The following ZC3H11A variants were observed in gnomAD, a reference collection of about 807,000 sequenced individuals.
ZC3H11A encodes the protein zinc finger CCCH-type containing 11A.
ZC3H11A carries 22 observed loss-of-function variants against 90.8 expected under a neutral mutation model. The observed-to-expected ratio is 0.24, with a 90% CI of 0.17 to 0.35. ZC3H11A has a LOEUF of 0.35. Among genes scored for constraint, ZC3H11A ranks in the 10% least tolerant of loss-of-function variants. The pLI is 1.00. For synonymous variants in ZC3H11A, 294 were observed against 339.8 expected (o/e 0.87, Z 1.48); for missense variants, 701 against 964.9 (o/e 0.73, Z 3.62).
intron 4 of ZC3H11A, among the ~76,000 whole-genome samples, chr1:203,824,630 C>A (rs1314532349): frequency 1.3e-5 from 2 of 148,530 alleles, no homozygotes; most frequent in Non-Finnish European, 3.0e-5. Flanking sequence ...GCTCTGCCTC[C>A]TTCTGATACT....
chr1:203,839,884 A>T (rs1685540976), intron 11 of ZC3H11A, among the ~76,000 whole-genome samples: 2 of 151,624 alleles, frequency 1.3e-5, no homozygotes, highest in Admixed American at 1.3e-4. Context: ...GCTCACCCCA[A>T]CCTCCACCTC....
intron 12 of ZC3H11A, among the ~76,000 whole-genome samples, chr1:203,844,252 C>G (rs1258887115): frequency 6.6e-6 from 1 of 152,160 alleles, no homozygotes; most frequent in Non-Finnish European, 1.5e-5. Context: ...ACCTCTGCCT[C>G]CCAGGTTAAA....
At chr1:203,850,746 C>G (rs1689062016) in intron 16 of ZC3H11A, 65 bp downstream of exon 16, 2 of 1,557,552 alleles carry the variant, frequency 1.3e-6, no homozygotes, top group Non-Finnish European at 8.7e-7. Flanking sequence ...AAGACTAACT[C>G]TCCACTAGCA....
intron 2 of ZC3H11A, chr1:203,814,756 C>T (rs946994187): frequency 6.6e-5 from 10 of 152,176 alleles, no homozygotes; most frequent in Non-Finnish European, 1.3e-4. Context: ...TTTTTTACAG[C>T]AGCATTCACT....
rs571447613 is a variant in ZC3H11A at position 203,797,587 on chromosome 1, T to C, written c.-1588+1793T>C. On this transcript the variant is annotated intron_variant, in intron 1 of 17. Transcript: ENST00000367210. ...TCTCCTGGCAGAAGATGCAACACTTTTAGTGATTCTGGGATTCTGGGATGT... is the reference window on the plus strand; with the variant it reads ...TCTCCTGGCAGAAGATGCAACACTTCTAGTGATTCTGGGATTCTGGGATGT... 2.2e-5 allele frequency: 34 copies of C among 1,534,214 alleles called. No individual in the cohort carries two copies. In the East Asian group the frequency reaches 2.7e-4, roughly 12 times the overall value.
Position 203,845,296 on chromosome 1 carries a change from TC to T in ZC3H11A, c.1043-1887del, listed in dbSNP as rs550790018. 1.8e-3 allele frequency among the ~76,000 whole-genome samples: 275 copies of T among 152,336 alleles called. 2 individuals are homozygous for T. Among genetic ancestry groups the T allele is most frequent in the African/African-American group, 6.2e-3 (258 of 41,572 alleles). ...TTTGGTAGGGGAGGGAAACAGGGCCTCTATGTCACCATTCATGTTGTACTTT... is the reference window on the plus strand; with the variant it reads ...TTTGGTAGGGGAGGGAAACAGGGCCTTATGTCACCATTCATGTTGTACTTT... On this transcript the variant is annotated intron_variant, in intron 12 of 17. Coordinates refer to ENST00000367210, the MANE Select transcript of ZC3H11A (RefSeq NM_001376342.1).
At chr1:203,839,050 T>A (rs1448183309) in intron 11 of ZC3H11A, among the ~76,000 whole-genome samples, 1 of 151,570 alleles carries the variant, frequency 6.6e-6, no homozygotes, top group Admixed American at 6.6e-5. Context: ...GCCTGCAATA[T>A]GGAGACAGAT....
At chr1:203,848,203 A>G (rs912542066) in intron 13 of ZC3H11A, 128 bp from the exon 14 acceptor site, 5 of 790,792 alleles carry the variant, frequency 6.3e-6, no homozygotes, top group Non-Finnish European at 1.0e-5. Context: ...AGGAGCACAG[A>G]TGGGCTTTAT....
Position 203,851,047 on chromosome 1 carries a change from C to T in ZC3H11A, c.2107-10C>T. The T allele has an allele frequency of 6.2e-7, 1 of 1,613,806 alleles. No homozygotes were observed. Among genetic ancestry groups the T allele is most frequent in the Non-Finnish European group, 8.5e-7 (1 of 1,179,944 alleles). ...ACTCTCACTGAATTACCTGACTCTTCCTTTTGTAGGCTGTTGTCCCGCTTG... is the reference window on the plus strand; with the variant it reads ...ACTCTCACTGAATTACCTGACTCTTTCTTTTGTAGGCTGTTGTCCCGCTTG... On this transcript the variant is annotated splice_polypyrimidine_tract_variant and intron_variant, in intron 16 of 17. Transcript: ENST00000367210.
intron 10 of ZC3H11A, among the ~76,000 whole-genome samples, chr1:203,836,843 G>A (rs1220627381): frequency 1.3e-5 from 2 of 152,104 alleles, no homozygotes; most frequent in Admixed American, 1.3e-4. Flanking sequence ...TGATGACTTG[G>A]GTAAGATACA....
chr1:203,806,097 C>A, intron 2 of ZC3H11A: 1 of 498,690 alleles, frequency 2.0e-6, no homozygotes, highest in South Asian at 1.6e-5. Flanking sequence ...TAATCATATT[C>A]TTTGTAGGAC....
chr1:203,847,339 A>C lies in ZC3H11A; in HGVS notation c.1198A>C (p.Thr400Pro). ...DSTSGARSSS[T>P]IRIKTFSEVL... ...TACTTCAGGAGCAAGAAGCTCCTCC[A>C]CTATCCGTATCAAAACCTTCTCTGA... is the stretch of plus-strand genomic sequence containing the variant. The change falls in exon 13 of 18, where the codon ACT becomes CCT. Residue 400 changes from threonine to proline, a missense_variant. By Grantham distance (38) the Thr-to-Pro change is conservative. Around this residue, in one of 4 missense-constraint regions of ZC3H11A, gnomAD observed 530 missense variants for 696.2 expected, o/e 0.76. Transcript: ENST00000367210. 1 of 1,613,986 alleles carries C rather than the reference A, an allele frequency of 6.2e-7. No homozygotes were observed. Among genetic ancestry groups the C allele is most frequent in the Non-Finnish European group, 8.5e-7 (1 of 1,179,866 alleles).
chr1:203,834,901 C>T (rs1167334281), intron 10 of ZC3H11A, among the ~76,000 whole-genome samples: 2 of 152,252 alleles, frequency 1.3e-5, no homozygotes, highest in Non-Finnish European at 2.9e-5. Context: ...GCCTCTGCCT[C>T]CCAAAGTGCT....
chr1:203,846,896 TG>T (rs936230794), intron 12 of ZC3H11A, among the ~76,000 whole-genome samples: 9 of 151,922 alleles, frequency 5.9e-5, no homozygotes, highest in African/African-American at 2.2e-4. Context: ...CCCAGCTACT[TG>T]GGAGGCTGAG....
intron 12 of ZC3H11A, among the ~76,000 whole-genome samples, chr1:203,840,745 T>C (rs941380991): frequency 1.3e-5 from 2 of 152,030 alleles, no homozygotes; most frequent in African/African-American, 4.8e-5. Context: ...GCAATTCCCC[T>C]GCCTCAGCCT....
rs578020092 is a variant in ZC3H11A at position 203,842,597 on chromosome 1, C to T, written c.1042+2223C>T. The stretch of plus-strand genomic sequence containing the variant: ...AACTTTGGTGGCATCAGAGGGAGAC[C>T]GGGGAGAGGGGGAGGGGGAGGGGGA... On this transcript the variant is annotated intron_variant, in intron 12 of 17. Transcript: ENST00000367210. Among the ~76,000 whole-genome samples, 801 of 100,712 alleles carry T rather than the reference C, an allele frequency of 8.0e-3. 3 individuals carry two copies. Among genetic ancestry groups the T allele is most frequent in the African/African-American group, 0.026 (680 of 25,888 alleles). 66.1% of individuals were successfully genotyped at this position (100,712 alleles called of 152,430 possible).
chr1:203,823,089 A>T (rs201777528), intron 4 of ZC3H11A, among the ~76,000 whole-genome samples: 1 of 286 alleles, frequency 3.5e-3, no homozygotes, highest in African/African-American at 4.5e-3. Context: ...TGAAAAGTCA[A>T]TGTTGTAACA....
intron 12 of ZC3H11A, among the ~76,000 whole-genome samples, chr1:203,846,163 G>T (rs373624023): frequency 2.0e-5 from 3 of 149,124 alleles, no homozygotes; most frequent in Non-Finnish European, 1.5e-5. Context: ...ATTTTTTTGG[G>T]GGGGGGGTTC....
At chr1:203,819,788 C>T (rs1289104043) in intron 4 of ZC3H11A, among the ~76,000 whole-genome samples, 1 of 150,706 alleles carries the variant, frequency 6.6e-6, no homozygotes, top group Non-Finnish European at 1.5e-5. Flanking sequence ...CTTGCCTCGG[C>T]CTCCCAAAGT....
Sources: gnomAD v4.1 joint callset for allele counts (sites outside exome capture counted in the v4.1 genomes callset) on GRCh38, gnomAD v4.1.1 for gene constraint, gnomAD v4.1.1 regional missense constraint, MANE v1.5 for transcripts, NCBI Gene and HGNC (gene_info 2026-07-23, HGNC 2026-07-21) for gene names.